Variants in TCIRG1 observed in about 807,000 individuals in gnomAD.
TCIRG1 encodes T cell immune regulator 1, ATPase H+ transporting V0 subunit a3.
TCIRG1 carries 86 observed loss-of-function variants against 95.5 expected under a neutral mutation model. The ratio of observed to expected loss-of-function variants is 0.90; its 90% CI spans 0.76 to 1.08. The LOEUF is 1.08. Ranked by LOEUF, TCIRG1 falls within the 50% of genes least tolerant of loss-of-function variation. The pLI, the probability that TCIRG1 is intolerant of heterozygous loss-of-function variation, is 0.00. For synonymous variants in TCIRG1, 499 were observed against 501.3 expected, an observed-to-expected ratio of 1.00 and a Z score of 0.06; for missense variants, 1,069 against 1,140.2, an observed-to-expected ratio of 0.94 and a Z score of 0.90.
intron 1 of TCIRG1, among the ~76,000 whole-genome samples, chr11:68,039,572 G>A (rs1855062622): frequency 6.6e-6 from 1 of 152,196 alleles, no homozygotes; most frequent in Admixed American, 6.5e-5. Context: ...CTGGGTTCCT[G>A]GAGGGGCCAG....
chr11:68,046,905 T>A, intron 10 of TCIRG1: 1 of 456,204 alleles, frequency 2.2e-6, no homozygotes, highest in Non-Finnish European at 4.4e-6. Flanking sequence ...GGAGAACTTA[T>A]GAAGTGGTCT....
chr11:68,047,833 G>A, intron 12 of TCIRG1, 29 bp downstream of exon 12: 1 of 1,612,524 alleles, frequency 6.2e-7, no homozygotes, highest in Non-Finnish European at 8.5e-7. Flanking sequence ...CCCGGCTGGG[G>A]GCCCCGCAGC....
chr11:68,048,470 T>A (rs1234692269), intron 13 of TCIRG1: 2 of 342,674 alleles, frequency 5.8e-6, no homozygotes, highest in Non-Finnish European at 1.1e-5. Context: ...ATTTCTGTAT[T>A]TTTAGTAGAG....
intron 7 of TCIRG1, 66 bp from the exon 8 acceptor site, chr11:68,043,748 C>T (rs1855302496): frequency 6.5e-6 from 10 of 1,539,094 alleles, no homozygotes; most frequent in Non-Finnish European, 8.8e-6. Context: ...CCCATGAGCT[C>T]CCTTCAGACT....
At position 68,047,262 on chromosome 11, in the gene TCIRG1, C is replaced by CG. The variant is rs1434578550; in HGVS notation, c.1166-171_1166-170insG. Among the ~76,000 whole-genome samples the CG allele has an allele frequency of 1.8e-5, 2 of 109,532 alleles. 1 individual carries two copies. The highest frequency in any genetic ancestry group is 5.3e-4 in the East Asian group (2 of 3,748). 71.9% of individuals were successfully genotyped at this position (109,532 alleles called of 152,430 possible). Reference sequence around the variant, plus strand: ...CTGACCTCGGGTGATGCCCCCCCCCCCCCCCGTCTCGGCCTCCCAGAGTGC... The same window carrying CG: ...CTGACCTCGGGTGATGCCCCCCCCCCGCCCCCGTCTCGGCCTCCCAGAGTGC... On this transcript the variant is annotated intron_variant, in intron 10 of 19. Transcript: ENST00000265686.
chr11:68,044,124 T>C lies in TCIRG1; in HGVS notation c.808-8T>C, dbSNP rs1855340086. 6.5e-7 allele frequency: 1 copy of C among 1,546,928 alleles called. No individual in the cohort carries two copies. The highest frequency in any genetic ancestry group is 2.4e-5 in the East Asian group (1 of 40,964). On this transcript the variant is annotated splice_polypyrimidine_tract_variant and splice_region_variant and intron_variant, in intron 8 of 19. Transcript: ENST00000265686. ...CCCAGCCCCCGCTGACTGCCCACTC[T>C]GGCGCAGGTCCTCGGGGAGACAGAG...
chr11:68,049,869 G>A, intron 16 of TCIRG1, 81 bp downstream of exon 16: 1 of 1,556,530 alleles, frequency 6.4e-7, no homozygotes, highest in Non-Finnish European at 8.7e-7. Flanking sequence ...CTCGCTTCCT[G>A]ACAGACTCCT....
At chr11:68,041,654 A>T in intron 2 of TCIRG1, 99 bp from the exon 3 acceptor site, 1 of 990,362 alleles carries the variant, frequency 1.0e-6, no homozygotes. Flanking sequence ...TTTCTGGAGG[A>T]GGCAGCTAAG....
chr11:68,042,288 T>C (rs1194997948), intron 3 of TCIRG1, among the ~76,000 whole-genome samples: 1 of 152,118 alleles, frequency 6.6e-6, no homozygotes, highest in Non-Finnish European at 1.5e-5. Context: ...GGCAGGGGCA[T>C]GGGGCAGGCA....
intron 10 of TCIRG1, among the ~76,000 whole-genome samples, chr11:68,045,685 C>G (rs2134447287): frequency 6.6e-6 from 1 of 152,220 alleles, no homozygotes; most frequent in Non-Finnish European, 1.5e-5. Flanking sequence ...TCCCAAGTAG[C>G]TGGGATTACA....
At chr11:68,041,247 C>T (rs1303171838) in intron 1 of TCIRG1, 21 bp from the exon 2 acceptor site, 7 of 1,549,510 alleles carry the variant, frequency 4.5e-6, no homozygotes, top group Non-Finnish European at 6.2e-6. Flanking sequence ...CTGACTGGCC[C>T]CCATCCGTGT....
At position 68,044,183 on chromosome 11, in the gene TCIRG1, C is replaced by T; in HGVS notation, c.859C>T (p.Gln287Ter). 1 of 1,555,416 alleles carries T rather than the reference C, an allele frequency of 6.4e-7. No homozygotes were observed. Among genetic ancestry groups the T allele is most frequent in the Non-Finnish European group, 8.7e-7 (1 of 1,149,968 alleles). Residue 287 changes from glutamine (Q) to a stop codon, truncating the protein, a stop_gained, in exon 9 of 20, where the codon CAG becomes TAG. Coordinates refer to ENST00000265686, the MANE Select transcript of TCIRG1 (RefSeq NM_006019.4). LOFTEE classifies it high-confidence loss of function. ...GAGCCAGGTGCTAGGCCGGGTGCTG[C>T]AGCTGCTGCCGCCAGGGCAGGTGCA... ...FLSQVLGRVL[Q>*]LLPPGQVQVH...
rs745876497 is a variant in TCIRG1, at chr11:68,045,113, C to T, written c.1165+11C>T. Reference sequence around the variant, plus strand: ...AGGAGGTCAACCCCGGTGAGAGCCACGGCATCCTTACCCGTGTCCTGGGAG... The same window carrying T: ...AGGAGGTCAACCCCGGTGAGAGCCATGGCATCCTTACCCGTGTCCTGGGAG... On this transcript the variant is annotated intron_variant, in intron 10 of 19. Coordinates refer to ENST00000265686, the MANE Select transcript of TCIRG1 (RefSeq NM_006019.4). 24 of 1,599,700 alleles carry T rather than the reference C, an allele frequency of 1.5e-5. No individual in the cohort carries two copies. The highest frequency in any genetic ancestry group is 5.5e-5 in the South Asian group (5 of 91,094).
In TCIRG1 at chr11:68,050,603, G is replaced by A. The variant is rs572954334; in HGVS notation, c.2353G>A (p.Val785Met). The A allele has an allele frequency of 2.2e-5, 35 of 1,613,450 alleles. No individual in the cohort carries two copies. The highest frequency in any genetic ancestry group is 8.0e-5 in the African/African-American group (6 of 75,064). Residue 785 changes from valine to methionine, a missense_variant, in exon 19 of 20, where the codon GTG (valine) becomes ATG (methionine). Val to Met is a conservative substitution (Grantham distance 21, BLOSUM62 1). Transcript: ENST00000265686. ...CTTTGCCGCCTTTGCCGTGATGACC[G>A]TGGCTATCCTGCTGGTGATGGAGGG... ...PIFAAFAVMT[V>M]AILLVMEGLS...
rs1293760338 is a variant in TCIRG1, at chr11:68,043,497, G to A, written c.630G>A (p.Thr210=). 3.2e-6 allele frequency: 5 copies of A among 1,572,278 alleles called. No homozygotes were observed. The highest frequency in any genetic ancestry group is 2.7e-5 in the African/African-American group (2 of 74,070). Residue 210 remains threonine, a splice_region_variant and synonymous_variant, in exon 6 of 20, where the codon ACG becomes ACA. Coordinates refer to ENST00000265686, the MANE Select transcript of TCIRG1 (RefSeq NM_006019.4). Reference sequence around the variant, plus strand: ...AGCAGCCGCTGGAGCACCCCGTGACGGTGAGCAGCTGGCGCTGGGCTGGGG... The same window carrying A: ...AGCAGCCGCTGGAGCACCCCGTGACAGTGAGCAGCTGGCGCTGGGCTGGGG... ...ELEQPLEHPV[T]GEPATWMTFL...
intron 18 of TCIRG1, 23 bp downstream of exon 18, chr11:68,050,277 G>C: frequency 6.2e-7 from 1 of 1,607,598 alleles, no homozygotes; most frequent in Non-Finnish European, 8.5e-7. Flanking sequence ...GCCACCGACG[G>C]CTGGCCCCAG....
chr11:68,050,629 ACT>A lies in TCIRG1; in HGVS notation c.2383_2384del (p.Ala796LeufsTer34), dbSNP rs1346704603. 1.2e-6 allele frequency: 2 copies of A among 1,612,824 alleles called. No homozygotes were observed. The highest frequency in any genetic ancestry group is 8.5e-7 in the Non-Finnish European group (1 of 1,179,870). ...TGGCTATCCTGCTGGTGATGGAGGG[ACT>A]CTCAGCCTTCCTGCACGCCCTGCGG... is the stretch of plus-strand genomic sequence containing the variant. The part of the protein sequence containing the change: ...TVAILLVMEG[L>X]SAFLHALRLH... On this transcript the variant is annotated frameshift_variant, in exon 19 of 20. Coordinates refer to ENST00000265686, the MANE Select transcript of TCIRG1 (RefSeq NM_006019.4). LOFTEE classifies it high-confidence loss of function.
chr11:68,053,660 T>C (rs11538783), downstream of TCIRG1: 15,630 of 289,928 alleles, frequency 0.054, 557 homozygotes, highest in Non-Finnish European at 0.07. Context: ...TAACACTGCT[T>C]ACTCTTGCTG....
intron 13 of TCIRG1, chr11:68,048,397 G>A (rs142792397): frequency 3.8e-5 from 13 of 339,368 alleles, no homozygotes; most frequent in Admixed American, 2.9e-4. Context: ...GGGTTCAAGC[G>A]ATTCCCCTGC....
Sources: gnomAD v4.1 joint callset for allele counts (sites outside exome capture counted in the v4.1 genomes callset) on GRCh38, gnomAD v4.1.1 for gene constraint, MANE v1.5 for transcripts, NCBI Gene and HGNC (gene_info 2026-07-23, HGNC 2026-07-21) for gene names.